KCNB2: variants seen among roughly 807,000 people sequenced by gnomAD.
KCNB2 encodes the protein potassium voltage-gated channel subfamily B member 2.
A neutral mutation model predicts 61.5 loss-of-function variants in KCNB2; 15 were observed. The observed-to-expected ratio is 0.24, with a 90% CI of 0.16 to 0.38. The LOEUF (loss-of-function observed/expected upper bound fraction) is 0.38. Among genes scored for constraint, KCNB2 ranks in the 10% least tolerant of loss-of-function variants. The pLI is 1.00. For missense variants in KCNB2, 828 were observed against 1,125.2 expected (o/e 0.74, Z 3.78); for synonymous variants, 457 against 446.0 (o/e 1.02, Z -0.31).
intron 2 of KCNB2, among the ~76,000 whole-genome samples, chr8:72,641,981 A>G (rs1469063435): frequency 6.6e-6 from 1 of 152,150 alleles, no homozygotes; most frequent in Non-Finnish European, 1.5e-5. Flanking sequence ...CTACTTATTA[A>G]ACATGTCCTC....
intron 2 of KCNB2, among the ~76,000 whole-genome samples, chr8:72,632,433 A>C (rs1322708772): frequency 6.6e-6 from 1 of 152,188 alleles, no homozygotes; most frequent in African/African-American, 2.4e-5. Flanking sequence ...GCAGAGTTGC[A>C]GAGTTGCAAA....
At chr8:72,922,877 A>G (rs1198102046) in intron 2 of KCNB2, among the ~76,000 whole-genome samples, 1 of 152,234 alleles carries the variant, frequency 6.6e-6, no homozygotes, top group Non-Finnish European at 1.5e-5. Context: ...GCACAGCCTC[A>G]GGAGGTCCTG....
chr8:72,669,497 A>G (rs1806528986), intron 2 of KCNB2, among the ~76,000 whole-genome samples: 1 of 152,210 alleles, frequency 6.6e-6, no homozygotes, highest in African/African-American at 2.4e-5. Flanking sequence ...ATTCATAGTG[A>G]TGTGTATAAT....
chr8:72,633,918 T>TG (rs1394485550), intron 2 of KCNB2, among the ~76,000 whole-genome samples: 1 of 152,006 alleles, frequency 6.6e-6, no homozygotes, highest in Non-Finnish European at 1.5e-5. Flanking sequence ...AAAAAAAAGG[T>TG]CTGTGTGCAT....
chr8:72,786,160 C>T (rs1808843012), intron 2 of KCNB2, among the ~76,000 whole-genome samples: 1 of 151,968 alleles, frequency 6.6e-6, no homozygotes, highest in South Asian at 2.1e-4. Context: ...CATGTCAAAT[C>T]CTACAAGCAC....
chr8:72,558,487 T>C (rs1806461691), intron 1 of KCNB2, among the ~76,000 whole-genome samples: 2 of 152,156 alleles, frequency 1.3e-5, no homozygotes, highest in Admixed American at 1.3e-4. Flanking sequence ...TGAGTAAAAG[T>C]TTATTAGGTG....
At chr8:72,652,652 A>G (rs371667142) in intron 2 of KCNB2, among the ~76,000 whole-genome samples, 2 of 152,174 alleles carry the variant, frequency 1.3e-5, no homozygotes, top group African/African-American at 2.4e-5. Context: ...ATCAGTATGC[A>G]TTGATAGGGC....
At chr8:72,615,596 C>T (rs927604644) in intron 2 of KCNB2, among the ~76,000 whole-genome samples, 4 of 152,154 alleles carry the variant, frequency 2.6e-5, no homozygotes, top group African/African-American at 9.7e-5. Flanking sequence ...TTGAAAACTG[C>T]TGTTCTGCCC....
chr8:72,566,710 CA>C (rs5892353), intron 1 of KCNB2, among the ~76,000 whole-genome samples: 92,385 of 136,192 alleles, frequency 0.68, 30,124 homozygotes, highest in Admixed American at 0.72. Flanking sequence ...GACTCTATTT[CA>C]AAAAAAAAAA....
intron 2 of KCNB2, chr8:72,749,461 CT>C (rs1258821036): frequency 2.0e-5 from 3 of 151,876 alleles, no homozygotes; most frequent in Non-Finnish European, 4.4e-5. Context: ...TGATTTTTAG[CT>C]GGTGAATGTG....
rs531170634 is a variant in KCNB2, at chr8:72,935,928, T to C, written c.580-7T>C. ...GATTTGCTGACTTGGACTTTTCTCTTTTCCAGATCCTGGCCATCGTGTCTA... is the reference window on the plus strand; with the variant it reads ...GATTTGCTGACTTGGACTTTTCTCTCTTCCAGATCCTGGCCATCGTGTCTA... On this transcript the variant is annotated splice_polypyrimidine_tract_variant and splice_region_variant and intron_variant, in intron 2 of 2. Coordinates refer to ENST00000523207, the MANE Select transcript of KCNB2 (RefSeq NM_004770.3). The C allele has an allele frequency of 3.7e-6, 6 of 1,608,216 alleles. No homozygotes were observed. The African/African-American group carries it at 5.3e-5, about 14-fold the overall frequency.
chr8:72,629,191 A>G (rs1805841155), intron 2 of KCNB2, among the ~76,000 whole-genome samples: 1 of 152,190 alleles, frequency 6.6e-6, no homozygotes, highest in Non-Finnish European at 1.5e-5. Context: ...ATTCTCAAAG[A>G]AAAACTAAAG....
rs747989069 is a variant in KCNB2, at chr8:72,938,120, A to C, written c.*29A>C. ...GTTACAAAAGCAATAAATTGAAACAAAACAAAACAAAACAAAACTTGTTTC... is the reference window on the plus strand; with the variant it reads ...GTTACAAAAGCAATAAATTGAAACACAACAAAACAAAACAAAACTTGTTTC... On this transcript the variant is annotated 3_prime_UTR_variant, in exon 3 of 3. Transcript: ENST00000523207. The C allele has an allele frequency of 6.7e-7, 1 of 1,485,364 alleles. No homozygotes were observed. The highest frequency in any genetic ancestry group is 9.1e-7 in the Non-Finnish European group (1 of 1,096,742). The allele number at this position is 1,485,364 out of a possible 1,614,324, so 92.0% of individuals were successfully genotyped here. A position where few individuals can be genotyped will look rare whatever the true frequency, so the allele number is the denominator to read the frequency against.
chr8:72,766,761 G>C (rs980850163), intron 2 of KCNB2, among the ~76,000 whole-genome samples: 1 of 152,172 alleles, frequency 6.6e-6, no homozygotes, highest in African/African-American at 2.4e-5. Context: ...CATTTGGAGT[G>C]CTAAGAAGAT....
At chr8:72,620,916 G>A (rs1474037861) in intron 2 of KCNB2, among the ~76,000 whole-genome samples, 1 of 152,090 alleles carries the variant, frequency 6.6e-6, no homozygotes, top group Admixed American at 6.6e-5. Flanking sequence ...CCAGTACTAC[G>A]TTTTAGATAC....
chr8:72,713,119 G>A (rs1028846794), intron 2 of KCNB2, among the ~76,000 whole-genome samples: 71 of 152,274 alleles, frequency 4.7e-4, no homozygotes, highest in Non-Finnish European at 8.2e-4. Flanking sequence ...GGGGAGGGGC[G>A]CCCGCCATTG....
intron 2 of KCNB2, among the ~76,000 whole-genome samples, chr8:72,816,697 C>T (rs565827068): frequency 2.0e-5 from 3 of 152,294 alleles, no homozygotes; most frequent in African/African-American, 7.2e-5. Flanking sequence ...CTTGACCTGT[C>T]GTAGTGCAGT....
intron 2 of KCNB2, among the ~76,000 whole-genome samples, chr8:72,808,701 T>C (rs890610293): frequency 2.6e-5 from 4 of 152,110 alleles, no homozygotes. Context: ...TAGACAAAGA[T>C]CCCATGTACT....
intron 2 of KCNB2, among the ~76,000 whole-genome samples, chr8:72,906,637 C>T (rs1225554240): frequency 1.3e-5 from 2 of 152,180 alleles, no homozygotes; most frequent in East Asian, 1.9e-4. Flanking sequence ...AGAATTGCAT[C>T]GTAAGAGAGT....
Sources: allele counts gnomAD v4.1 joint callset (sites outside exome capture counted in the v4.1 genomes callset), GRCh38; gene constraint gnomAD v4.1.1; transcripts MANE v1.5; gene names NCBI Gene and HGNC (gene_info 2026-07-23, HGNC 2026-07-21).